Variants in TENM1 observed in about 807,000 individuals in gnomAD.
TENM1 encodes the protein teneurin-1.
A neutral mutation model predicts 174.8 loss-of-function variants in TENM1; 35 were observed. That is an observed-to-expected ratio of 0.20 (90% CI 0.15 to 0.27). The LOEUF (loss-of-function observed/expected upper bound fraction) is 0.27. Among genes scored for constraint, TENM1 ranks in the 10% least tolerant of loss-of-function variants. The pLI, the probability that TENM1 is intolerant of heterozygous loss-of-function variation, is 1.00. For missense variants in TENM1, 1,633 were observed against 2,130.1 expected, an observed-to-expected ratio of 0.77 and a Z score of 4.59; for synonymous variants, 781 against 798.7, an observed-to-expected ratio of 0.98 and a Z score of 0.37.
At chrX:124,923,455 G>T (rs936748767) in intron 1 of TENM1, among the ~76,000 whole-genome samples, 8 of 111,795 alleles carry the variant, frequency 7.2e-5, no homozygotes, top group African/African-American at 2.3e-4. Context: ...TTCCATTATT[G>T]TAACAAACAC....
chrX:124,854,156 G>A (rs2056772608), intron 3 of TENM1, among the ~76,000 whole-genome samples: 1 of 111,197 alleles, frequency 9.0e-6, no homozygotes, highest in African/African-American at 3.3e-5. Flanking sequence ...TGAGCTGCCT[G>A]TCAGAAAATA....
the TENM1 span, among the ~76,000 whole-genome samples, chrX:125,161,424 G>A: frequency 1.9e-5 from 2 of 104,068 alleles, no homozygotes; most frequent in Admixed American, 2.1e-4. Flanking sequence ...ATCCACAAAT[G>A]CAGAACACAT....
intron 10 of TENM1, among the ~76,000 whole-genome samples, chrX:124,644,262 G>A (rs976959226): frequency 9.9e-6 from 1 of 101,047 alleles, no homozygotes; most frequent in Admixed American, 1.1e-4. Context: ...TTCTACTATC[G>A]CTAATGGGAG....
At chrX:124,456,117 G>A (rs912186083) in intron 22 of TENM1, among the ~76,000 whole-genome samples, 1 of 111,898 alleles carries the variant, frequency 8.9e-6, no homozygotes, top group African/African-American at 3.2e-5. Context: ...ACAGACGAGT[G>A]CCCTTTGAAA....
rs139558017 is a variant in TENM1, at chrX:124,817,609, C to T, written c.535+76687G>A. Among the ~76,000 whole-genome samples the T allele has an allele frequency of 8.9e-3, 988 of 111,273 alleles. 8 individuals carry two copies. The highest frequency in any genetic ancestry group is 0.031 in the African/African-American group (938 of 30,498). ...TTTCACAGGAGAGGAAACTAAGGCT[C>T]TGAGATGTTAAGAAACTTGCCCAAA... is the stretch of plus-strand genomic sequence containing the variant. On this transcript the variant is annotated intron_variant, in intron 3 of 31. Coordinates refer to ENST00000422452, the Ensembl canonical transcript of TENM1.
chrX:125,165,422 TA>T, the TENM1 span, among the ~76,000 whole-genome samples: 1 of 111,811 alleles, frequency 8.9e-6, no homozygotes, highest in Non-Finnish European at 1.9e-5. Flanking sequence ...ATAGGAAGCC[TA>T]AATTACTACA....
chrX:124,435,293 T>C (rs1000471842), intron 23 of TENM1, among the ~76,000 whole-genome samples: 1 of 111,769 alleles, frequency 8.9e-6, no homozygotes, highest in African/African-American at 3.2e-5. Flanking sequence ...TTGTTAATAT[T>C]ATAGTATTGG....
intron 3 of TENM1, among the ~76,000 whole-genome samples, chrX:124,840,182 A>C (rs2056469760): frequency 9.0e-6 from 1 of 111,714 alleles, no homozygotes; most frequent in Non-Finnish European, 1.9e-5. Flanking sequence ...CTACACAATA[A>C]GCTTATAATA....
the TENM1 span, among the ~76,000 whole-genome samples, chrX:125,141,623 G>A: frequency 1.8e-5 from 2 of 111,183 alleles, no homozygotes; most frequent in Non-Finnish European, 3.8e-5. Context: ...AAGGGAAAGA[G>A]GAAAGGAGAG....
chrX:124,977,951 TGTG>T, the TENM1 span, among the ~76,000 whole-genome samples: 1 of 53,053 alleles, frequency 1.9e-5, no homozygotes, highest in African/African-American at 7.4e-5. Context: ...TGTGTGTGTG[TGTG>T]TGTGTGTGTG....
intron 11 of TENM1, among the ~76,000 whole-genome samples, chrX:124,622,310 C>T (rs762206148): frequency 6.3e-5 from 7 of 111,693 alleles, no homozygotes; most frequent in Non-Finnish European, 1.1e-4. Context: ...GAGGGAGAGA[C>T]GCATAGCCTG....
the TENM1 span, among the ~76,000 whole-genome samples, chrX:125,065,882 G>T: frequency 1.8e-5 from 2 of 111,506 alleles, no homozygotes; most frequent in African/African-American, 6.5e-5. Context: ...ATGGAAATGT[G>T]GACTCTAAAG....
exon 15 of TENM1, chrX:124,547,026 G>A: frequency 4.1e-6 from 5 of 1,211,633 alleles, no homozygotes; most frequent in Non-Finnish European, 4.5e-6. Context: ...AGCCCTGGCA[G>A]AGAGGACTTA....
the TENM1 span, among the ~76,000 whole-genome samples, chrX:125,076,155 T>C: frequency 9.0e-6 from 1 of 111,606 alleles, no homozygotes; most frequent in African/African-American, 3.3e-5. Flanking sequence ...AGAGTCAATA[T>C]AGCACCAGCA....
intron 6 of TENM1, among the ~76,000 whole-genome samples, chrX:124,661,514 A>G (rs1329464240): frequency 1.8e-5 from 2 of 111,895 alleles, no homozygotes; most frequent in African/African-American, 6.5e-5. Context: ...GGTAGTACAC[A>G]TCAGGGATGC....
At chrX:124,467,912 C>A (rs1229804210) in intron 22 of TENM1, among the ~76,000 whole-genome samples, 1 of 110,366 alleles carries the variant, frequency 9.1e-6, no homozygotes, top group Non-Finnish European at 1.9e-5. Context: ...GCACACGCCA[C>A]CATGCCCAGC....
At chrX:124,455,667 C>T (rs1348478149) in intron 22 of TENM1, among the ~76,000 whole-genome samples, 1 of 111,185 alleles carries the variant, frequency 9.0e-6, no homozygotes, top group Non-Finnish European at 1.9e-5. Context: ...ATTACTAAAT[C>T]GTAGTGAATG....
chrX:124,978,029 T>G, the TENM1 span, among the ~76,000 whole-genome samples: 1 of 105,501 alleles, frequency 9.5e-6, no homozygotes. Flanking sequence ...AGAGATCTTT[T>G]TCCTCTCTGT....
the TENM1 span, among the ~76,000 whole-genome samples, chrX:125,024,529 A>G: frequency 9.0e-6 from 1 of 111,334 alleles, no homozygotes; most frequent in African/African-American, 3.3e-5. Flanking sequence ...ATTCTCACTT[A>G]TAAGTGGGAA....
Sources: allele counts gnomAD v4.1 joint callset (sites outside exome capture counted in the v4.1 genomes callset), GRCh38; gene constraint gnomAD v4.1.1; transcripts MANE v1.5; gene names NCBI Gene and HGNC (gene_info 2026-07-23, HGNC 2026-07-21).